Variants in COX8A observed in about 807,000 individuals in gnomAD.
COX8A encodes cytochrome c oxidase subunit 8A, also known as cytochrome c oxidase subunit 8A, mitochondrial.
Under a neutral mutation model 4.4 loss-of-function variants are expected in COX8A, and 6 were observed. The ratio of observed to expected loss-of-function variants is 1.36; its 90% CI spans 0.74 to 2.68. The LOEUF (loss-of-function observed/expected upper bound fraction) is 2.68, where lower values mean the gene tolerates loss of function less well. Among genes scored for constraint, COX8A ranks in the 30% most tolerant of loss-of-function variants. The pLI is 0.00. For synonymous variants in COX8A, 53 were observed against 47.1 expected (o/e 1.12, Z -0.51); for missense variants, 72 against 89.6 (o/e 0.80, Z 0.79).
In COX8A at chr11:63,976,288, T is replaced by A; in HGVS notation, c.178T>A (p.Ser60Thr). ...TFLLPAGWIL[S>T]HLETYRRPE ...CCTCCTGCCAGCGGGCTGGATCCTG[T>A]CACACCTGGAGACCTACAGGAGGCC... is the stretch of plus-strand genomic sequence containing the variant. The change falls in exon 2 of 2, where the codon TCA (serine) becomes ACA (threonine). Residue 60 changes from serine to threonine, a missense_variant. Coordinates refer to ENST00000314133, the MANE Select transcript of COX8A (RefSeq NM_004074.3). 6.2e-7 allele frequency: 1 copy of A among 1,614,194 alleles called. No homozygotes were observed.
intron 1 of COX8A, 96 bp from the exon 2 acceptor site, chr11:63,976,129 C>G: frequency 1.7e-6 from 2 of 1,191,172 alleles, no homozygotes; most frequent in Non-Finnish European, 2.5e-6. Context: ...TCCTGGCTCC[C>G]TGAGCGGGGC....
chr11:63,976,023 C>G (rs1254010521), intron 1 of COX8A, among the ~76,000 whole-genome samples: 1 of 152,170 alleles, frequency 6.6e-6, no homozygotes, highest in Admixed American at 6.5e-5. Context: ...GACCCTTTAC[C>G]TCAAGGGTTA....
At chr11:63,975,069 T>G (rs1457382835) in intron 1 of COX8A, among the ~76,000 whole-genome samples, 1 of 152,206 alleles carries the variant, frequency 6.6e-6, no homozygotes, top group Non-Finnish European at 1.5e-5. Flanking sequence ...CGCCGCCTCC[T>G]GCCGACTTCT....
At position 63,976,411 on chromosome 11, in the gene COX8A, G is replaced by C; in HGVS notation, c.*91G>C. On this transcript the variant is annotated 3_prime_UTR_variant, in exon 2 of 2. Transcript: ENST00000314133. ...CTGCATTTGTGGCCGGCCTCCCCTG[G>C]ATCATGTCATTCAATTCCAGTCACC... is the stretch of plus-strand genomic sequence containing the variant. 8.5e-7 allele frequency: 1 copy of C among 1,176,288 alleles called. No individual in the cohort carries two copies. Among genetic ancestry groups the C allele is most frequent in the Non-Finnish European group, 1.3e-6 (1 of 790,922 alleles). 72.9% of individuals were successfully genotyped at this position (1,176,288 alleles called of 1,614,324 possible).
chr11:63,976,022 C>G (rs904759134), intron 1 of COX8A, among the ~76,000 whole-genome samples: 1 of 152,180 alleles, frequency 6.6e-6, no homozygotes, highest in Non-Finnish European at 1.5e-5. Context: ...TGACCCTTTA[C>G]CTCAAGGGTT....
At chr11:63,975,258 A>G (rs536077040) in intron 1 of COX8A, among the ~76,000 whole-genome samples, 15 of 152,036 alleles carry the variant, frequency 9.9e-5, no homozygotes, top group African/African-American at 3.4e-4. Flanking sequence ...GGCTCACTGC[A>G]GCCTCCGACT....
chr11:63,975,279 A>G (rs1415990014), intron 1 of COX8A, among the ~76,000 whole-genome samples: 1 of 151,732 alleles, frequency 6.6e-6, no homozygotes, highest in African/African-American at 2.4e-5. Flanking sequence ...CCCGGGTTCA[A>G]GCGATTCTCC....
At chr11:63,975,228 G>C (rs1027213373) in intron 1 of COX8A, among the ~76,000 whole-genome samples, 6 of 152,144 alleles carry the variant, frequency 3.9e-5, no homozygotes, top group African/African-American at 1.4e-4. Flanking sequence ...CGCCAGGCTG[G>C]AGTGCAGTGG....
chr11:63,974,656 T>G lies in COX8A; in HGVS notation c.-25T>G, dbSNP rs769823264. 1.3e-6 allele frequency: 2 copies of G among 1,585,806 alleles called. No homozygotes were observed. Among genetic ancestry groups the G allele is most frequent in the Non-Finnish European group, 1.7e-6 (2 of 1,164,688 alleles). On this transcript the variant is annotated 5_prime_UTR_variant, in exon 1 of 2. Coordinates refer to ENST00000314133, the MANE Select transcript of COX8A (RefSeq NM_004074.3). ...CTGACCTTGGGCTACGGCTGACCGT[T>G]TTTTGTGGTGTACTCCGTGCCATCA...
In COX8A at chr11:63,974,788, G is replaced by T; in HGVS notation, c.108G>T (p.Gly36=). The change falls in exon 1 of 2, where the codon GGG becomes GGT. Residue 36 remains glycine, a synonymous_variant. Transcript: ENST00000314133. ...IHSLPPEGKL[G]IMELAVGLTS... ...CGTTGCCGCCGGAGGGGAAGCTTGGGATCATGGTGAGGAACGGGCCTGGAA... is the reference window on the plus strand; with the variant it reads ...CGTTGCCGCCGGAGGGGAAGCTTGGTATCATGGTGAGGAACGGGCCTGGAA... 1 of 1,602,994 alleles carries T rather than the reference G, an allele frequency of 6.2e-7. No homozygotes were observed. The highest frequency in any genetic ancestry group is 8.5e-7 in the Non-Finnish European group (1 of 1,174,524).
Position 63,976,221 on chromosome 11 carries a change from G to A in COX8A, c.115-4G>A, listed in dbSNP as rs1590771952. On this transcript the variant is annotated splice_region_variant and splice_polypyrimidine_tract_variant and intron_variant, in intron 1 of 1. Coordinates refer to ENST00000314133, the MANE Select transcript of COX8A (RefSeq NM_004074.3). ...AGGTGCCTTCTTTCTTGTGCTCTGT[G>A]TAGGAATTGGCCGTTGGGCTTACCT... 2.5e-5 allele frequency: 40 copies of A among 1,613,952 alleles called. No individual in the cohort carries two copies. Among genetic ancestry groups the A allele is most frequent in the Non-Finnish European group, 3.2e-5 (38 of 1,179,918 alleles).
At position 63,974,735 on chromosome 11, in the gene COX8A, C is replaced by T. The variant is rs1365627624; in HGVS notation, c.55C>T (p.Leu19Phe). ...LRGLTGSARR[L>F]PVPRAKIHSL... is the part of the protein sequence containing the mutation. ...GGGCTTGACAGGCTCGGCCCGGCGG[C>T]TCCCAGTGCCGCGCGCCAAGATCCA... Residue 19 changes from leucine (L) to phenylalanine (F), a missense_variant, in exon 1 of 2, where the codon CTC becomes TTC. Leu to Phe is a conservative substitution (Grantham distance 22). Transcript: ENST00000314133. 3.1e-6 allele frequency: 5 copies of T among 1,605,964 alleles called. No homozygotes were observed. Among genetic ancestry groups the T allele is most frequent in the Non-Finnish European group, 4.2e-6 (5 of 1,176,852 alleles).
chr11:63,974,840 C>A (rs1942525018), intron 1 of COX8A, 46 bp downstream of exon 1: 1 of 1,492,742 alleles, frequency 6.7e-7, no homozygotes, highest in African/African-American at 1.4e-5. Context: ...GTGGGCTGAC[C>A]CCTTCTGCCT....
rs1001707448 is a variant in COX8A, at chr11:63,976,386, C to A, written c.*66C>A. On this transcript the variant is annotated 3_prime_UTR_variant, in exon 2 of 2. Transcript: ENST00000314133. Reference sequence around the variant, plus strand: ...CCACCGGCCCATCCTGGTCATGTTACTGCATTTGTGGCCGGCCTCCCCTGG... The same window carrying A: ...CCACCGGCCCATCCTGGTCATGTTAATGCATTTGTGGCCGGCCTCCCCTGG... 2.7e-5 allele frequency: 39 copies of A among 1,456,672 alleles called. No homozygotes were observed. The highest frequency in any genetic ancestry group is 3.7e-5 in the Non-Finnish European group (38 of 1,038,794). 90.2% of individuals were successfully genotyped at this position (1,456,672 alleles called of 1,614,324 possible).
rs550927126 is a variant in COX8A at position 63,976,234 on chromosome 11, G to A, written c.124G>A (p.Val42Ile). 6.2e-6 allele frequency: 10 copies of A among 1,614,142 alleles called. No homozygotes were observed. The highest frequency in any genetic ancestry group is 8.5e-6 in the Non-Finnish European group (10 of 1,180,014). The change falls in exon 2 of 2, where the codon GTT becomes ATT. Residue 42 changes from valine (V) to isoleucine (I), a missense_variant. By Grantham distance (29) the Val-to-Ile change is conservative. Coordinates refer to ENST00000314133, the MANE Select transcript of COX8A (RefSeq NM_004074.3). Reference protein sequence around the residue: ...EGKLGIMELAVGLTSCFVTFL... With the variant: ...EGKLGIMELAIGLTSCFVTFL... ...CTTGTGCTCTGTGTAGGAATTGGCCGTTGGGCTTACCTCCTGCTTCGTGAC... is the reference window on the plus strand; with the variant it reads ...CTTGTGCTCTGTGTAGGAATTGGCCATTGGGCTTACCTCCTGCTTCGTGAC...
intron 1 of COX8A, 49 bp from the exon 2 acceptor site, chr11:63,976,176 C>G (rs368795739): frequency 1.4e-5 from 22 of 1,553,982 alleles, no homozygotes; most frequent in Non-Finnish European, 1.8e-5. Context: ...CTTAGAGAGC[C>G]TAGGGGAATA....
chr11:63,974,732 C>A lies in COX8A; in HGVS notation c.52C>A (p.Arg18=). The A allele has an allele frequency of 6.2e-7, 1 of 1,607,574 alleles. No homozygotes were observed. The highest frequency in any genetic ancestry group is 8.5e-7 in the Non-Finnish European group (1 of 1,177,404). The change falls in exon 1 of 2, where the codon CGG becomes AGG. Residue 18 remains arginine, a synonymous_variant. Coordinates refer to ENST00000314133, the MANE Select transcript of COX8A (RefSeq NM_004074.3). ...GCGGGGCTTGACAGGCTCGGCCCGG[C>A]GGCTCCCAGTGCCGCGCGCCAAGAT... is the stretch of plus-strand genomic sequence containing the variant. The part of the protein sequence containing the change: ...LLRGLTGSAR[R]LPVPRAKIHS...
At chr11:63,975,088 T>C (rs1188841090) in intron 1 of COX8A, among the ~76,000 whole-genome samples, 6 of 152,154 alleles carry the variant, frequency 3.9e-5, no homozygotes, top group Admixed American at 3.3e-4. Flanking sequence ...CTTTAGCCGC[T>C]CTGAGCCCAT....
At chr11:63,974,995 C>T (rs1590771337) in intron 1 of COX8A, among the ~76,000 whole-genome samples, 1 of 152,108 alleles carries the variant, frequency 6.6e-6, no homozygotes, top group Non-Finnish European at 1.5e-5. Context: ...AGGTCTTTCC[C>T]CACAGCCCCA....
Sources: gnomAD v4.1 joint callset for allele counts (sites outside exome capture counted in the v4.1 genomes callset) on GRCh38, gnomAD v4.1.1 for gene constraint, MANE v1.5 for transcripts, NCBI Gene and HGNC (gene_info 2026-07-23, HGNC 2026-07-21) for gene names.